GCNA: variants seen among roughly 807,000 people sequenced by gnomAD.
GCNA encodes germ cell nuclear acidic peptidase.
In GCNA, 3 loss-of-function variants were observed where a neutral mutation model predicts 38.8. That is an observed-to-expected ratio of 0.08 (90% CI 0.04 to 0.20). The LOEUF is 0.20. Ranked by LOEUF, GCNA falls within the 10% of genes least tolerant of loss-of-function variation. The pLI, the probability that GCNA is intolerant of heterozygous loss-of-function variation, is 1.00. For synonymous variants in GCNA, 195 were observed against 240.2 expected (o/e 0.81, Z 1.74); for missense variants, 446 against 578.6 (o/e 0.77, Z 2.35).
chrX:71,609,208 C>CATGTATA, intron 10 of GCNA, 91 bp downstream of exon 10: 4 of 931,642 alleles, frequency 4.3e-6, no homozygotes, highest in Non-Finnish European at 6.0e-6. Flanking sequence ...TACTTCCTGC[C>CATGTATA]CTTGAGCAGA....
At chrX:71,593,811 G>A (rs1238925117) in intron 4 of GCNA, among the ~76,000 whole-genome samples, 1 of 101,035 alleles carries the variant, frequency 9.9e-6, no homozygotes, top group East Asian at 3.1e-4. Flanking sequence ...CCTTTCCCCC[G>A]AGGCTCTTTT....
In GCNA at chrX:71,604,564, A is replaced by G. The variant is rs759206195; in HGVS notation, c.1287A>G (p.Thr429=). ...TIVEPPRKRQ[T]KTKNIVEPPR... ...TGGAGCCACCGAGGAAAAGGCAGAC[A>G]AAGACCAAAAATATAGTGGAGCCAC... The change falls in exon 8 of 13, where the codon ACA becomes ACG. Residue 429 remains threonine, a synonymous_variant. Coordinates refer to ENST00000373696, the MANE Select transcript of GCNA (RefSeq NM_052957.5). 1 of 1,192,206 alleles carries G rather than the reference A, an allele frequency of 8.4e-7. No homozygotes were observed. Among genetic ancestry groups the G allele is most frequent in the Non-Finnish European group, 1.1e-6 (1 of 885,863 alleles).
intron 2 of GCNA, among the ~76,000 whole-genome samples, chrX:71,586,137 ATGT>A (rs2040584070): frequency 9.4e-6 from 1 of 106,027 alleles, no homozygotes; most frequent in Admixed American, 1.0e-4. Context: ...TATGAAATAA[ATGT>A]TTTTTTTTTT....
intron 2 of GCNA, among the ~76,000 whole-genome samples, chrX:71,582,020 C>A (rs2040549737): frequency 9.1e-6 from 1 of 109,634 alleles, no homozygotes; most frequent in African/African-American, 3.3e-5. Context: ...AAATTTTCAG[C>A]TTTGGCCGGG....
At position 71,583,777 on chromosome X, in the gene GCNA, A is replaced by G. The variant is rs896781552; in HGVS notation, c.59+2897A>G. On this transcript the variant is annotated intron_variant, in intron 2 of 12. Transcript: ENST00000373696. ...CAGTGGCGCAATCTTGGCTCACTGC[A>G]GCCTCTGCCTCCTGGGTTCAAGCAA... Among the ~76,000 whole-genome samples, 3 of 99,532 alleles carry G rather than the reference A, an allele frequency of 3.0e-5. No individual in the cohort carries two copies. In the South Asian group the frequency reaches 1.4e-3, roughly 47 times the overall value. 86.4% of individuals were successfully genotyped at this position (99,532 alleles called of 115,157 possible). A position where few individuals can be genotyped will look rare whatever the true frequency, so the allele number is the denominator to read the frequency against.
chrX:71,584,149 G>A (rs1236970914), intron 2 of GCNA, among the ~76,000 whole-genome samples: 1 of 111,161 alleles, frequency 9.0e-6, no homozygotes, highest in East Asian at 2.8e-4. Context: ...TGTGCAGCTG[G>A]ACATACTGTT....
chrX:71,582,760 T>C (rs1179244081), intron 2 of GCNA, among the ~76,000 whole-genome samples: 1 of 112,268 alleles, frequency 8.9e-6, no homozygotes, highest in Non-Finnish European at 1.9e-5. Context: ...CCTTCTCCCA[T>C]GGCCTTTCTC....
chrX:71,596,857 A>T (rs763460666), intron 6 of GCNA, among the ~76,000 whole-genome samples: 1 of 111,987 alleles, frequency 8.9e-6, no homozygotes, highest in African/African-American at 3.2e-5. Flanking sequence ...GTCAGGACAG[A>T]CACCATCAAT....
intron 11 of GCNA, 47 bp from the exon 12 acceptor site, chrX:71,612,308 A>AAG: frequency 5.6e-6 from 4 of 712,825 alleles, no homozygotes; most frequent in Non-Finnish European, 8.0e-6. Flanking sequence ...AAAAAAAAAA[A>AAG]GAGGATTGGT....
At chrX:71,579,136 C>T (rs962926925) in intron 1 of GCNA, among the ~76,000 whole-genome samples, 2 of 102,299 alleles carry the variant, frequency 2.0e-5, no homozygotes, top group Non-Finnish European at 4.0e-5. Flanking sequence ...TACGTGGCGC[C>T]GGTGGCGGCG....
intron 3 of GCNA, 95 bp from the exon 4 acceptor site, chrX:71,592,442 A>C: frequency 2.0e-6 from 1 of 493,810 alleles, no homozygotes; most frequent in Admixed American, 4.6e-5. Context: ...AAGCAGCTCT[A>C]ATTTATAGAC....
intron 1 of GCNA, among the ~76,000 whole-genome samples, chrX:71,579,220 G>A (rs1475172938): frequency 2.0e-5 from 2 of 98,050 alleles, no homozygotes; most frequent in African/African-American, 7.6e-5. Flanking sequence ...GGAACAGGTG[G>A]TGTCCCTAGT....
intron 6 of GCNA, 98 bp from the exon 7 acceptor site, chrX:71,597,852 G>C: frequency 4.8e-6 from 3 of 626,401 alleles, no homozygotes; most frequent in Middle Eastern, 7.5e-4. Context: ...ACAAAAAATT[G>C]ACAAGTGGTC....
intron 9 of GCNA, among the ~76,000 whole-genome samples, chrX:71,606,824 T>C (rs2040772286): frequency 8.9e-6 from 1 of 112,016 alleles, no homozygotes; most frequent in Non-Finnish European, 1.9e-5. Flanking sequence ...GGGACGTGTG[T>C]CTTGGGTAAC....
rs756496663 is a variant in GCNA at position 71,603,842 on chromosome X, CCCGACGACAACAGTGATGATTCAT to C, written c.612_635del (p.Ser205_Ser212del). The C allele has an allele frequency of 3.5e-4, 426 of 1,203,247 alleles. No homozygotes were observed. Among genetic ancestry groups the C allele is most frequent in the African/African-American group, 1.0e-3 (57 of 54,815 alleles). On this transcript the variant is annotated inframe_deletion, in exon 8 of 13. Transcript: ENST00000373696. ...CGACAATAGTGATGATTCGGATGTT[CCCGACGACAACAGTGATGATTCAT>C]CCGACGACAACAGTGATGATTCATC...
intron 6 of GCNA, among the ~76,000 whole-genome samples, chrX:71,596,316 T>C (rs1048530667): frequency 8.9e-5 from 10 of 112,370 alleles, no homozygotes; most frequent in African/African-American, 3.2e-4. Context: ...TTGTTAATTG[T>C]ATTTCTAAAG....
intron 9 of GCNA, among the ~76,000 whole-genome samples, chrX:71,608,358 C>T (rs1275345988): frequency 8.9e-6 from 1 of 111,943 alleles, no homozygotes; most frequent in Non-Finnish European, 1.9e-5. Context: ...CTGCAAGCTC[C>T]GCCTCCTGGG....
intron 2 of GCNA, 108 bp downstream of exon 2, chrX:71,580,988 C>T: frequency 1.3e-6 from 1 of 770,849 alleles, no homozygotes; most frequent in Non-Finnish European, 1.8e-6. Flanking sequence ...GAGCGTATAA[C>T]TTGGTTTGTT....
chrX:71,608,333 C>T (rs2040783300), intron 9 of GCNA, among the ~76,000 whole-genome samples: 1 of 112,009 alleles, frequency 8.9e-6, no homozygotes, highest in African/African-American at 3.2e-5. Flanking sequence ...AGTGCAGTGG[C>T]GCGATCTCGG....
Sources: gnomAD v4.1 joint callset for allele counts (sites outside exome capture counted in the v4.1 genomes callset) on GRCh38, gnomAD v4.1.1 for gene constraint, MANE v1.5 for transcripts, NCBI Gene and HGNC (gene_info 2026-07-23, HGNC 2026-07-21) for gene names.